Variants in NTRK1 observed in about 807,000 individuals in gnomAD.
NTRK1 encodes high affinity nerve growth factor receptor.
Under a neutral mutation model 86.8 loss-of-function variants are expected in NTRK1, and 62 were observed. That is an observed-to-expected ratio of 0.71 (90% CI 0.58 to 0.88). NTRK1 has a LOEUF of 0.88. Among genes scored for constraint, NTRK1 ranks in the 40% least tolerant of loss-of-function variants. NTRK1 has a pLI of 0.00. For synonymous variants in NTRK1, 469 were observed against 456.6 expected, an observed-to-expected ratio of 1.03 and a Z score of -0.35; for missense variants, 967 against 1,078.4, an observed-to-expected ratio of 0.90 and a Z score of 1.45.
At chr1:156,820,719 A>T (rs149839811) in intron 1 of NTRK1, among the ~76,000 whole-genome samples, 60 of 152,330 alleles carry the variant, frequency 3.9e-4, no homozygotes, top group Non-Finnish European at 7.8e-4. Flanking sequence ...GGATAATGTG[A>T]TGCCTCCAGA....
intron 2 of NTRK1, chr1:156,842,643 T>C (rs1654842623): frequency 1.5e-6 from 1 of 659,592 alleles, no homozygotes; most frequent in Non-Finnish European, 2.7e-6. Context: ...ATAACCTGAC[T>C]CCTGACCTAA....
chr1:156,844,341 T>C (rs1571658948), intron 2 of NTRK1: 1 of 1,554,102 alleles, frequency 6.4e-7, no homozygotes, highest in East Asian at 2.3e-5. Context: ...GGGAAGGTCA[T>C]GCTTCTCTTT....
chr1:156,879,245 T>C lies in NTRK1; in HGVS notation c.1929T>C (p.Gly643=), dbSNP rs2102924706. The C allele has an allele frequency of 6.2e-7, 1 of 1,613,948 alleles. No homozygotes were observed. The highest frequency in any genetic ancestry group is 8.5e-7 in the Non-Finnish European group (1 of 1,179,994). The change falls in exon 15 of 17, where the codon GGT becomes GGC. Residue 643 remains glycine (G), a synonymous_variant. Transcript: ENST00000524377. ...CTGCGGGGATGGTGTACCTGGCGGG[T>C]CTGCATTTTGTGCACCGGGACCTGG... ...QVAAGMVYLA[G]LHFVHRDLAT...
Position 156,876,383 on chromosome 1 carries a change from C to G in NTRK1, c.1633-17C>G, listed in dbSNP as rs745326521. ...CTCGGCCCCCAACTCAGTCCTGTCC[C>G]TGCCGCTTCCATCCAGGCACTGAAG... is the stretch of plus-strand genomic sequence containing the variant. On this transcript the variant is annotated splice_polypyrimidine_tract_variant and intron_variant, in intron 13 of 16. Transcript: ENST00000524377. 9.3e-6 allele frequency: 15 copies of G among 1,613,500 alleles called. No homozygotes were observed. The African/African-American group carries it at 1.7e-4, about 19-fold the overall frequency.
intron 2 of NTRK1, chr1:156,844,200 G>A (rs372319737): frequency 1.2e-6 from 2 of 1,613,738 alleles, no homozygotes; most frequent in African/African-American, 1.3e-5. Flanking sequence ...AAGAAACCAA[G>A]GGCAGCAAGA....
intron 1 of NTRK1, among the ~76,000 whole-genome samples, chr1:156,825,153 T>C (rs1654288091): frequency 6.6e-6 from 1 of 152,122 alleles, no homozygotes; most frequent in Non-Finnish European, 1.5e-5. Context: ...CCTCCCAAAG[T>C]GGTGGGATTA....
At chr1:156,843,091 C>T (rs1229283467) in intron 2 of NTRK1, 1 of 1,614,088 alleles carries the variant, frequency 6.2e-7, no homozygotes, top group Non-Finnish European at 8.5e-7. Context: ...CATTCACCGT[C>T]TTCAGGGCCA....
At chr1:156,872,015 C>T (rs1471815940) in intron 7 of NTRK1, among the ~76,000 whole-genome samples, 1 of 152,148 alleles carries the variant, frequency 6.6e-6, no homozygotes, top group Non-Finnish European at 1.5e-5. Context: ...ACGCCAGATG[C>T]CCGGCTGTTC....
chr1:156,879,280 A>G lies in NTRK1; in HGVS notation c.1964A>G (p.Asn655Ser). 1 of 1,613,800 alleles carries G rather than the reference A, an allele frequency of 6.2e-7. No homozygotes were observed. Among genetic ancestry groups the G allele is most frequent in the Non-Finnish European group, 8.5e-7 (1 of 1,180,016 alleles). The change falls in exon 15 of 17, where the codon AAC (asparagine) becomes AGC (serine). Residue 655 changes from asparagine to serine, a missense_variant. Asn to Ser is a conservative substitution (Grantham distance 46). This residue lies in a region of NTRK1 where 637 missense variants were observed against 776.5 expected (regional missense o/e 0.82). Transcript: ENST00000524377. The part of the protein sequence containing the change: ...HFVHRDLATR[N>S]CLVGQGLVVK... ...GTGCACCGGGACCTGGCCACACGCA[A>G]CTGTCTAGTGGGCCAGGGACTGGTG...
intron 9 of NTRK1, 36 bp from the exon 10 acceptor site, chr1:156,874,535 G>A (rs772948131): frequency 1.2e-6 from 2 of 1,612,640 alleles, no homozygotes; most frequent in Non-Finnish European, 1.7e-6. Context: ...TACAGTGTGT[G>A]TCAAGGCTCA....
At chr1:156,879,513 G>A in intron 15 of NTRK1, 151 bp downstream of exon 15, 1 of 1,080,250 alleles carries the variant, frequency 9.3e-7, no homozygotes, top group Non-Finnish European at 1.3e-6. Flanking sequence ...TCGGCTCCTG[G>A]TGGAGGGGGC....
chr1:156,830,078 G>A (rs1241546619), intron 1 of NTRK1, among the ~76,000 whole-genome samples: 5 of 152,250 alleles, frequency 3.3e-5, no homozygotes, highest in Non-Finnish European at 7.3e-5. Flanking sequence ...CCACGCAGTG[G>A]GGCAGTCTCA....
upstream of NTRK1, among the ~76,000 whole-genome samples, chr1:156,855,947 G>T (rs1164486697): frequency 6.6e-6 from 1 of 151,876 alleles, no homozygotes; most frequent in Non-Finnish European, 1.5e-5. Flanking sequence ...GTTTGTATGT[G>T]TATAATATTT....
At chr1:156,856,195 G>A (rs563319925), upstream of NTRK1, among the ~76,000 whole-genome samples, 30 of 152,158 alleles carry the variant, frequency 2.0e-4, no homozygotes, top group African/African-American at 7.0e-4. Context: ...TTTGTTTATT[G>A]TAAGCTCCAT....
At chr1:156,840,709 C>T (rs1302923092) in intron 1 of NTRK1, 1 of 637,966 alleles carries the variant, frequency 1.6e-6, no homozygotes, top group East Asian at 2.7e-5. Context: ...TGGTGAGACC[C>T]CTCTGCCCAC....
intron 3 of NTRK1, 32 bp downstream of exon 3, chr1:156,864,831 TG>T (rs776397449): frequency 1.2e-6 from 2 of 1,600,704 alleles, no homozygotes; most frequent in East Asian, 4.5e-5. Flanking sequence ...CAGTGGGAGT[TG>T]GGGAGGACAC....
At chr1:156,843,429 T>C in intron 2 of NTRK1, 1 of 1,614,074 alleles carries the variant, frequency 6.2e-7, no homozygotes, top group Non-Finnish European at 8.5e-7. Context: ...AGACCTACTA[T>C]CAGAGGCGCT....
intron 3 of NTRK1, 153 bp downstream of exon 3, chr1:156,864,952 C>T: frequency 1.3e-6 from 1 of 755,622 alleles, no homozygotes; most frequent in South Asian, 1.5e-5. Flanking sequence ...TTCCTCCCAT[C>T]TCCCTCAGGG....
rs1032216755 is a variant in NTRK1 at position 156,854,418 on chromosome 1, G to A, written c.51-9936G>A. 11 of 1,136,428 alleles carry A rather than the reference G, an allele frequency of 9.7e-6. No individual in the cohort carries two copies. The Admixed American group carries it at 2.7e-4, about 28-fold the overall frequency. The allele number at this position is 1,136,428 out of a possible 1,614,324, so 70.4% of individuals were successfully genotyped here. On this transcript the variant is annotated intron_variant, in intron 2 of 16. Transcript: ENST00000392302. This position sits in a 1 kb window ranked among gnomAD's most constrained non-coding sequence, Gnocchi z 4.2. ...CAGTAGGACAATGAGTGAGGAGCCG[G>A]GCTCTGCTCTGGGTGTGGGGTGGCC...
Sources: gnomAD v4.1 joint callset for allele counts (sites outside exome capture counted in the v4.1 genomes callset) on GRCh38, gnomAD v4.1.1 for gene constraint, gnomAD v4.1.1 regional missense constraint, Gnocchi (gnomAD v3.1) non-coding constraint, MANE v1.5 for transcripts, NCBI Gene and HGNC (gene_info 2026-07-23, HGNC 2026-07-21) for gene names.